MAPK4: variants seen among roughly 807,000 people sequenced by gnomAD.
The protein encoded by MAPK4 is Erk3-related.
MAPK4 carries 22 observed loss-of-function variants against 47.7 expected under a neutral mutation model. The ratio of observed to expected loss-of-function variants is 0.46; its 90% CI spans 0.33 to 0.66. The LOEUF (loss-of-function observed/expected upper bound fraction) is 0.66, where lower values mean the gene tolerates loss of function less well. Ranked by LOEUF, MAPK4 falls within the 30% of genes least tolerant of loss-of-function variation. The pLI is 0.02. For missense variants in MAPK4, 736 were observed against 831.7 expected, an observed-to-expected ratio of 0.88 and a Z score of 1.42; for synonymous variants, 390 against 365.7, an observed-to-expected ratio of 1.07 and a Z score of -0.76.
At chr18:50,635,375 T>C (rs1311709221) in intron 1 of MAPK4, among the ~76,000 whole-genome samples, 2 of 152,132 alleles carry the variant, frequency 1.3e-5, no homozygotes, top group Non-Finnish European at 2.9e-5. Flanking sequence ...TGATTTGACA[T>C]GCTGAATCTC....
rs1309062743 is a variant in MAPK4, at chr18:50,663,962, G to A, written c.4G>A (p.Ala2Thr). 6.2e-7 allele frequency: 1 copy of A among 1,609,278 alleles called. No individual in the cohort carries two copies. The highest frequency in any genetic ancestry group is 1.7e-5 in the Admixed American group (1 of 59,816). The change falls in exon 2 of 6, where the codon GCT (alanine) becomes ACT (threonine). Residue 2 changes from alanine (A) to threonine (T), a missense_variant. Ala to Thr is a moderately conservative substitution (Grantham distance 58). This residue lies in a region of MAPK4 where 327 missense variants were observed against 395.4 expected (regional missense o/e 0.83). Coordinates refer to ENST00000400384, the MANE Select transcript of MAPK4 (RefSeq NM_002747.4). M[A>T]EKGDCIASVY... The stretch of plus-strand genomic sequence containing the variant: ...GCTCCAGATCACTGAGCCCACAATG[G>A]CTGAGAAGGGTGACTGCATCGCCAG...
At chr18:50,571,668 T>C (rs1268276227) in intron 1 of MAPK4, among the ~76,000 whole-genome samples, 1 of 152,222 alleles carries the variant, frequency 6.6e-6, no homozygotes, top group Non-Finnish European at 1.5e-5. Flanking sequence ...TTTTCTGTAT[T>C]TCTTTTGTCA....
chr18:50,571,930 GA>G (rs918159427), intron 1 of MAPK4, among the ~76,000 whole-genome samples: 30 of 152,146 alleles, frequency 2.0e-4, no homozygotes, highest in Admixed American at 2.0e-3. Flanking sequence ...TCATTCAATA[GA>G]AAAAAGGAAC....
intron 1 of MAPK4, among the ~76,000 whole-genome samples, chr18:50,595,726 T>C (rs921959851): frequency 1.1e-4 from 16 of 152,250 alleles, no homozygotes; most frequent in Non-Finnish European, 2.1e-4. Flanking sequence ...AAATAGAAGA[T>C]ATTATGACTT....
At chr18:50,666,887 G>T (rs1239584455) in intron 2 of MAPK4, among the ~76,000 whole-genome samples, 1 of 151,984 alleles carries the variant, frequency 6.6e-6, no homozygotes, top group Admixed American at 6.6e-5. Context: ...TATCCAATGT[G>T]CATTTAAATC....
intron 1 of MAPK4, among the ~76,000 whole-genome samples, chr18:50,634,672 G>A (rs145698619): frequency 3.3e-4 from 51 of 152,310 alleles, no homozygotes; most frequent in African/African-American, 1.1e-3. Flanking sequence ...GAAACAGCCA[G>A]GCTCAGCTTT....
At chr18:50,578,251 G>A (rs181743519) in intron 1 of MAPK4, among the ~76,000 whole-genome samples, 1 of 152,352 alleles carries the variant, frequency 6.6e-6, no homozygotes, top group Admixed American at 6.5e-5. Flanking sequence ...GTTCATTGAA[G>A]CTGCTCATTG....
rs1343515691 is a variant in MAPK4, at chr18:50,612,449, C to G, written c.-870-50640C>G. Among the ~76,000 whole-genome samples the G allele has an allele frequency of 7.9e-5, 12 of 152,116 alleles. No homozygotes were observed. The East Asian group carries it at 2.3e-3, about 29-fold the overall frequency. On this transcript the variant is annotated intron_variant, in intron 1 of 5. Coordinates refer to ENST00000400384, the MANE Select transcript of MAPK4 (RefSeq NM_002747.4). Reference sequence around the variant, plus strand: ...TGTCACCCCTACCCTCAGGGAGCTCCCAGTATAGCGGGAGAGAAAGATTTC... The same window carrying G: ...TGTCACCCCTACCCTCAGGGAGCTCGCAGTATAGCGGGAGAGAAAGATTTC...
At chr18:50,608,610 C>G (rs1261283082) in intron 1 of MAPK4, among the ~76,000 whole-genome samples, 3 of 152,188 alleles carry the variant, frequency 2.0e-5, no homozygotes, top group Non-Finnish European at 4.4e-5. Context: ...GCAGCAGATG[C>G]TTTTTATCAA....
At chr18:50,653,475 A>G (rs1329305548) in intron 1 of MAPK4, among the ~76,000 whole-genome samples, 1 of 152,202 alleles carries the variant, frequency 6.6e-6, no homozygotes, top group African/African-American at 2.4e-5. Context: ...AGAAAAACAG[A>G]AGCAAGCACT....
intron 1 of MAPK4, among the ~76,000 whole-genome samples, chr18:50,617,102 T>C (rs1013548074): frequency 6.6e-6 from 1 of 152,226 alleles, no homozygotes; most frequent in Non-Finnish European, 1.5e-5. Context: ...TTTGAACTAT[T>C]GTGCAAGATG....
chr18:50,707,353 T>C (rs1178499484), intron 2 of MAPK4, among the ~76,000 whole-genome samples: 4 of 152,072 alleles, frequency 2.6e-5, no homozygotes, highest in Non-Finnish European at 4.4e-5. Context: ...GTGGATCACT[T>C]GAGCTCAGGA....
chr18:50,590,431 AG>A (rs1296072332), intron 1 of MAPK4, among the ~76,000 whole-genome samples: 1 of 152,184 alleles, frequency 6.6e-6, no homozygotes, highest in East Asian at 1.9e-4. Flanking sequence ...TGTAGGAGAG[AG>A]ATAAGTCCAG....
chr18:50,721,922 G>A lies in MAPK4; in HGVS notation c.692-16G>A. On this transcript the variant is annotated splice_polypyrimidine_tract_variant and intron_variant, in intron 3 of 5. Coordinates refer to ENST00000400384, the MANE Select transcript of MAPK4 (RefSeq NM_002747.4). ...CCTTGGACAGCACACTTAACCATCTGGCATTGCCTCCCCAGGGGCCCATGA... is the reference window on the plus strand; with the variant it reads ...CCTTGGACAGCACACTTAACCATCTAGCATTGCCTCCCCAGGGGCCCATGA... The A allele has an allele frequency of 6.2e-7, 1 of 1,613,662 alleles. No individual in the cohort carries two copies. The highest frequency in any genetic ancestry group is 1.1e-5 in the South Asian group (1 of 91,044).
chr18:50,717,488 G>A (rs1381109017), intron 3 of MAPK4, among the ~76,000 whole-genome samples: 1 of 152,162 alleles, frequency 6.6e-6, no homozygotes, highest in African/African-American at 2.4e-5. Flanking sequence ...TGGGAAGGGA[G>A]GGGGAGAGTG....
At chr18:50,578,871 A>G (rs1352758599) in intron 1 of MAPK4, among the ~76,000 whole-genome samples, 2 of 152,152 alleles carry the variant, frequency 1.3e-5, no homozygotes, top group African/African-American at 4.8e-5. Flanking sequence ...GGCTTCCAGG[A>G]GCACGTGATG....
chr18:50,594,693 A>G (rs1338953409), intron 1 of MAPK4, among the ~76,000 whole-genome samples: 1 of 152,226 alleles, frequency 6.6e-6, no homozygotes, highest in Non-Finnish European at 1.5e-5. Context: ...AGATTAGGGT[A>G]CAAAAAGTAC....
At chr18:50,702,164 A>AAAG (rs1909826812) in intron 2 of MAPK4, among the ~76,000 whole-genome samples, 1 of 149,072 alleles carries the variant, frequency 6.7e-6, no homozygotes, top group Non-Finnish European at 1.5e-5. Flanking sequence ...TCTGTCTCAA[A>AAAG]AAAAAAAAAA....
intron 1 of MAPK4, among the ~76,000 whole-genome samples, chr18:50,602,827 C>T (rs12967548): frequency 0.25 from 38,385 of 151,978 alleles, 4,928 homozygotes; most frequent in East Asian, 0.36. Context: ...GTGCTCTAGG[C>T]CAACTGCCTG....
Sources: gnomAD v4.1 joint callset for allele counts (sites outside exome capture counted in the v4.1 genomes callset) on GRCh38, gnomAD v4.1.1 for gene constraint, gnomAD v4.1.1 regional missense constraint, MANE v1.5 for transcripts, NCBI Gene and HGNC (gene_info 2026-07-23, HGNC 2026-07-21) for gene names.